The following FOXN3 variants were observed in gnomAD, a reference collection of about 807,000 sequenced individuals.
The protein encoded by FOXN3 is forkhead box N3, also known as forkhead box protein N3.
Under a neutral mutation model 38.4 loss-of-function variants are expected in FOXN3, and 7 were observed. The ratio of observed to expected loss-of-function variants is 0.18; its 90% CI spans 0.10 to 0.34. The LOEUF is 0.34. Ranked by LOEUF, FOXN3 falls within the 10% of genes least tolerant of loss-of-function variation. FOXN3 has a pLI of 1.00. For synonymous variants in FOXN3, 230 were observed against 242.2 expected (o/e 0.95, Z 0.47); for missense variants, 456 against 613.4 (o/e 0.74, Z 2.71).
chr14:89,352,927 T>C (rs1453114349), intron 2 of FOXN3, among the ~76,000 whole-genome samples: 1 of 152,092 alleles, frequency 6.6e-6, no homozygotes, highest in African/African-American at 2.4e-5. Flanking sequence ...AGCCAGAAGC[T>C]GCAGCGAGCG....
chr14:89,217,168 T>G (rs1884311271), intron 4 of FOXN3, among the ~76,000 whole-genome samples: 1 of 152,204 alleles, frequency 6.6e-6, no homozygotes, highest in Admixed American at 6.5e-5. Flanking sequence ...AGGGTCTCAC[T>G]CTGTCATCGA....
At chr14:89,231,698 G>A (rs577825384) in intron 4 of FOXN3, among the ~76,000 whole-genome samples, 45 of 152,218 alleles carry the variant, frequency 3.0e-4, no homozygotes, top group African/African-American at 9.9e-4. Context: ...AGGAGGGGAC[G>A]CAATGGTACA....
intron 1 of FOXN3, among the ~76,000 whole-genome samples, chr14:89,521,931 G>A (rs983560974): frequency 1.3e-5 from 2 of 151,674 alleles, no homozygotes; most frequent in Admixed American, 6.6e-5. Flanking sequence ...GGTAGGGGTG[G>A]GGTATCCATT....
rs563920669 is a variant in FOXN3, at chr14:89,327,312, C to T, written c.680+23360G>A. 1.7e-4 allele frequency among the ~76,000 whole-genome samples: 26 copies of T among 152,318 alleles called. 1 individual carries two copies. The South Asian group carries it at 5.0e-3, about 29-fold the overall frequency. On this transcript the variant is annotated intron_variant, in intron 3 of 5. Coordinates refer to ENST00000557258, the MANE Select transcript of FOXN3 (RefSeq NM_005197.4). ...TGTGCTTAACGACTACAGATCTTAT[C>T]CCTGACTGGGTGCCCCTTGCTAGGA...
At position 89,513,266 on chromosome 14, in the gene FOXN3, T is replaced by G. The variant is rs201990641; in HGVS notation, c.-14-100776A>C. Among the ~76,000 whole-genome samples the G allele has an allele frequency of 9.9e-5, 15 of 151,894 alleles. No homozygotes were observed. The East Asian group carries it at 2.9e-3, about 29-fold the overall frequency. On this transcript the variant is annotated intron_variant, in intron 1 of 6. Transcript: ENST00000345097. ...CATCCTGTTTCTTTTCTTCCCTCTT[T>G]CTTTTTTTTTATTTTTCATGACAGG...
chr14:89,507,875 T>C (rs1893979098), intron 1 of FOXN3, among the ~76,000 whole-genome samples: 1 of 152,168 alleles, frequency 6.6e-6, no homozygotes, highest in Non-Finnish European at 1.5e-5. Context: ...ATTTAGATAA[T>C]GAAGCCTCAA....
At chr14:89,385,388 C>A (rs567283054) in intron 2 of FOXN3, among the ~76,000 whole-genome samples, 1 of 151,306 alleles carries the variant, frequency 6.6e-6, no homozygotes. Context: ...AAAGTCCAAA[C>A]CCATCAACTT....
At chr14:89,512,147 T>C (rs1355012375) in intron 1 of FOXN3, among the ~76,000 whole-genome samples, 1 of 152,190 alleles carries the variant, frequency 6.6e-6, no homozygotes, top group Non-Finnish European at 1.5e-5. Context: ...CGACCTTCTC[T>C]GTGACCCTCC....
chr14:89,183,550 G>T (rs1887727230), intron 4 of FOXN3, among the ~76,000 whole-genome samples: 1 of 152,144 alleles, frequency 6.6e-6, no homozygotes, highest in African/African-American at 2.4e-5. Flanking sequence ...AGGCAGAAAG[G>T]ATGGAGACAC....
At chr14:89,344,228 T>C (rs757837058) in intron 3 of FOXN3, among the ~76,000 whole-genome samples, 10 of 151,166 alleles carry the variant, frequency 6.6e-5, no homozygotes, top group South Asian at 2.1e-4. Flanking sequence ...TATTTTTACA[T>C]TGAAAATTTT....
At chr14:89,389,804 G>A (rs542889852) in intron 2 of FOXN3, among the ~76,000 whole-genome samples, 2 of 152,230 alleles carry the variant, frequency 1.3e-5, no homozygotes, top group South Asian at 2.1e-4. Flanking sequence ...TGACCCTACC[G>A]GGTCAGAGGT....
intron 1 of FOXN3, among the ~76,000 whole-genome samples, chr14:89,463,100 T>C (rs1360218168): frequency 2.0e-5 from 3 of 147,662 alleles, no homozygotes; most frequent in Admixed American, 6.7e-5. Flanking sequence ...AAGATCTGGC[T>C]AACACGGTGA....
intron 4 of FOXN3, among the ~76,000 whole-genome samples, chr14:89,234,864 G>A (rs75075269): frequency 5.9e-5 from 9 of 152,116 alleles, no homozygotes; most frequent in East Asian, 1.9e-4. Context: ...CCTAGCCCTC[G>A]TTGCCAGCAG....
chr14:89,237,786 C>T (rs1942444043), intron 4 of FOXN3, among the ~76,000 whole-genome samples: 1 of 152,242 alleles, frequency 6.6e-6, no homozygotes, highest in African/African-American at 2.4e-5. Context: ...TTGATCTTTA[C>T]TCTGCTGCAT....
chr14:89,307,986 C>T (rs1003134143), intron 3 of FOXN3, among the ~76,000 whole-genome samples: 4 of 152,130 alleles, frequency 2.6e-5, no homozygotes, highest in African/African-American at 4.8e-5. Context: ...AAAATTAGGC[C>T]GGGAGCAGTG....
chr14:89,451,729 G>A (rs768371749), intron 1 of FOXN3, among the ~76,000 whole-genome samples: 39 of 152,238 alleles, frequency 2.6e-4, no homozygotes, highest in Non-Finnish European at 4.7e-4. Flanking sequence ...ATCTTCGACT[G>A]TATTCGCTCA....
chr14:89,563,679 A>G (rs1895293437), intron 1 of FOXN3, among the ~76,000 whole-genome samples: 1 of 152,120 alleles, frequency 6.6e-6, no homozygotes, highest in Non-Finnish European at 1.5e-5. Context: ...AGAGCAAAGT[A>G]TGGAAGGGGC....
intron 2 of FOXN3, among the ~76,000 whole-genome samples, chr14:89,354,382 C>T (rs896302720): frequency 3.3e-5 from 5 of 150,964 alleles, no homozygotes; most frequent in Non-Finnish European, 7.4e-5. Flanking sequence ...CCCGCCACCA[C>T]GCCCGGCTAA....
At chr14:89,556,182 TCA>T (rs1311925721) in intron 1 of FOXN3, among the ~76,000 whole-genome samples, 1 of 151,908 alleles carries the variant, frequency 6.6e-6, no homozygotes, top group Admixed American at 6.6e-5. Context: ...GGCGGGGGGA[TCA>T]CCTGAGGTCG....
Sources: gnomAD v4.1 joint callset for allele counts (sites outside exome capture counted in the v4.1 genomes callset) on GRCh38, gnomAD v4.1.1 for gene constraint, MANE v1.5 for transcripts, NCBI Gene and HGNC (gene_info 2026-07-23, HGNC 2026-07-21) for gene names.